The following MBTD1 variants were observed in gnomAD, a reference collection of about 807,000 sequenced individuals.
MBTD1 encodes the protein mbt domain containing 1.
In MBTD1, 24 loss-of-function variants were observed where a neutral mutation model predicts 87.8. The observed-to-expected ratio is 0.27, with a 90% CI of 0.20 to 0.38. MBTD1 has a LOEUF of 0.38. Among genes scored for constraint, MBTD1 ranks in the 10% least tolerant of loss-of-function variants. The pLI, the probability that MBTD1 is intolerant of heterozygous loss-of-function variation, is 1.00. For synonymous variants in MBTD1, 237 were observed against 248.6 expected (o/e 0.95, Z 0.44); for missense variants, 436 against 760.2 (o/e 0.57, Z 5.02).
intron 2 of MBTD1, among the ~76,000 whole-genome samples, chr17:51,245,074 G>GT (rs1300616126): frequency 6.6e-5 from 10 of 152,048 alleles, no homozygotes; most frequent in African/African-American, 2.4e-4. Flanking sequence ...CTAATTTTTT[G>GT]TATTTTTAGT....
intron 2 of MBTD1, among the ~76,000 whole-genome samples, chr17:51,253,738 AAAG>A (rs955759159): frequency 2.0e-5 from 3 of 152,168 alleles, no homozygotes; most frequent in African/African-American, 2.4e-5. Flanking sequence ...TGACAAAATT[AAAG>A]AAGAGATCAC....
chr17:51,189,448 T>C (rs2050697581), intron 16 of MBTD1, among the ~76,000 whole-genome samples: 1 of 152,234 alleles, frequency 6.6e-6, no homozygotes, highest in Non-Finnish European at 1.5e-5. Context: ...TCCAGAACTC[T>C]AGTAATGGTA....
chr17:51,239,283 AATTC>A (rs2054030786), intron 2 of MBTD1, among the ~76,000 whole-genome samples: 1 of 152,188 alleles, frequency 6.6e-6, no homozygotes, highest in South Asian at 2.1e-4. Flanking sequence ...CATAAAACTT[AATTC>A]ATTAAATTTA....
rs572596580 is a variant in MBTD1, at chr17:51,194,955, A to C, written c.1372+259T>G. On this transcript the variant is annotated intron_variant, in intron 13 of 16. Transcript: ENST00000586178. Reference sequence around the variant, plus strand: ...GTTGAGCCTACATTACTGACTCAACAGAGTTTGAGAATACCAATTCATATT... The same window carrying C: ...GTTGAGCCTACATTACTGACTCAACCGAGTTTGAGAATACCAATTCATATT... Among the ~76,000 whole-genome samples the C allele has an allele frequency of 2.6e-5, 4 of 152,306 alleles. No homozygotes were observed. In the East Asian group the frequency reaches 7.7e-4, roughly 29 times the overall value.
At chr17:51,226,979 ACGC>A (rs1278905799) in intron 2 of MBTD1, among the ~76,000 whole-genome samples, 1 of 151,782 alleles carries the variant, frequency 6.6e-6, no homozygotes, top group East Asian at 2.0e-4. Context: ...GCGGTGACTC[ACGC>A]CTGTAATCCC....
At chr17:51,249,640 CA>C (rs2054657484) in intron 2 of MBTD1, 1 of 152,130 alleles carries the variant, frequency 6.6e-6, no homozygotes, top group Non-Finnish European at 1.5e-5. Flanking sequence ...CAATTCTCCA[CA>C]TATTTTATCA....
At chr17:51,217,577 CT>C (rs1399701677) in intron 5 of MBTD1, among the ~76,000 whole-genome samples, 161 bp from the exon 6 acceptor site, 1 of 152,090 alleles carries the variant, frequency 6.6e-6, no homozygotes, top group Non-Finnish European at 1.5e-5. Flanking sequence ...ATAGCATGAG[CT>C]TTGGCTTATA....
chr17:51,252,562 C>T (rs975728361), intron 2 of MBTD1, among the ~76,000 whole-genome samples: 14 of 151,702 alleles, frequency 9.2e-5, no homozygotes, highest in African/African-American at 3.2e-4. Context: ...ATGGTAAAAC[C>T]CCATCTCTAC....
intron 2 of MBTD1, among the ~76,000 whole-genome samples, chr17:51,246,131 C>G (rs2054420256): frequency 6.6e-6 from 1 of 152,172 alleles, no homozygotes; most frequent in South Asian, 2.1e-4. Context: ...GGACCAGAAA[C>G]ATTTCAGATT....
intron 2 of MBTD1, among the ~76,000 whole-genome samples, chr17:51,227,954 G>GAA (rs751071069): frequency 9.5e-5 from 7 of 73,404 alleles, no homozygotes; most frequent in East Asian, 3.5e-4. Flanking sequence ...TCCGTCTCAA[G>GAA]AAAAAAAAAA....
At chr17:51,181,395 AAAAAATTAT>A (rs1432463202) in intron 16 of MBTD1, among the ~76,000 whole-genome samples, 1 of 151,836 alleles carries the variant, frequency 6.6e-6, no homozygotes, top group African/African-American at 2.4e-5. Context: ...TAAAAACATT[AAAAAATTAT>A]AAATTACATA....
intron 6 of MBTD1, among the ~76,000 whole-genome samples, chr17:51,213,327 T>G (rs117770202): frequency 0.023 from 3,540 of 152,284 alleles, 57 homozygotes; most frequent in Non-Finnish European, 0.032. Context: ...CCACTGCTCT[T>G]GGCTAGAGTG....
chr17:51,215,302 A>G (rs1173653051), intron 6 of MBTD1, among the ~76,000 whole-genome samples: 1 of 152,250 alleles, frequency 6.6e-6, no homozygotes, highest in Non-Finnish European at 1.5e-5. Flanking sequence ...AATCAAGTTC[A>G]TTATTACCAT....
chr17:51,196,225 CTTTTT>C (rs770871296), intron 12 of MBTD1, among the ~76,000 whole-genome samples: 1 of 134,644 alleles, frequency 7.4e-6, no homozygotes, highest in Non-Finnish European at 1.6e-5. Context: ...CCCACCCTGC[CTTTTT>C]TTTTTTTTTT....
rs2050232909 is a variant in MBTD1, at chr17:51,179,536, AT to A, written c.*1039del. 9.6e-6 allele frequency: 1 copy of A among 104,426 alleles called. No homozygotes were observed. 6.5% of individuals were successfully genotyped at this position (104,426 alleles called of 1,614,324 possible). On this transcript the variant is annotated 3_prime_UTR_variant, in exon 17 of 17. Transcript: ENST00000586178. ...TATATATATATATATATATATATATATGGAATTTTAAGAAAATTAAATTCTC... is the reference window on the plus strand; with the variant it reads ...TATATATATATATATATATATATATAGGAATTTTAAGAAAATTAAATTCTC...
chr17:51,260,281 G>T, upstream of MBTD1: 1 of 499,214 alleles, frequency 2.0e-6, no homozygotes, highest in Non-Finnish European at 3.5e-6. Context: ...TGTATAGTCG[G>T]GGTTTCTTGC....
chr17:51,243,674 G>A (rs1025451528), intron 2 of MBTD1, among the ~76,000 whole-genome samples: 4 of 152,066 alleles, frequency 2.6e-5, no homozygotes, highest in African/African-American at 7.2e-5. Context: ...TCTCTTTAGT[G>A]TCCTTTAATC....
At chr17:51,218,437 G>A (rs1803182044) in intron 5 of MBTD1, among the ~76,000 whole-genome samples, 2 of 148,578 alleles carry the variant, frequency 1.3e-5, no homozygotes, top group Admixed American at 6.9e-5. Flanking sequence ...GCTGAGACAT[G>A]AGAATTGTTC....
chr17:51,247,198 C>T (rs975384748), intron 2 of MBTD1, among the ~76,000 whole-genome samples: 11 of 152,090 alleles, frequency 7.2e-5, no homozygotes, highest in African/African-American at 1.9e-4. Flanking sequence ...TAGGCTTTTT[C>T]GGCTTCTATA....
Sources: allele counts gnomAD v4.1 joint callset (sites outside exome capture counted in the v4.1 genomes callset), GRCh38; gene constraint gnomAD v4.1.1; transcripts MANE v1.5; gene names NCBI Gene and HGNC (gene_info 2026-07-23, HGNC 2026-07-21).